The following ATG13 variants were observed in gnomAD, a reference collection of about 807,000 sequenced individuals.
The protein encoded by ATG13 is autophagy-related protein 13.
In ATG13, 23 loss-of-function variants were observed where a neutral mutation model predicts 65.5. The ratio of observed to expected loss-of-function variants is 0.35; its 90% CI spans 0.25 to 0.50. The LOEUF (loss-of-function observed/expected upper bound fraction) is 0.50, where lower values mean the gene tolerates loss of function less well. Ranked by LOEUF, ATG13 falls within the 20% of genes least tolerant of loss-of-function variation. The probability of loss-of-function intolerance (pLI) is 0.98; values close to 1 mark genes in which losing one functional copy is unlikely to be tolerated. For synonymous variants in ATG13, 252 were observed against 245.2 expected (o/e 1.03, Z -0.26); for missense variants, 566 against 677.0 (o/e 0.84, Z 1.82).
At chr11:46,641,182 C>T (rs2055863259) in intron 2 of ATG13, among the ~76,000 whole-genome samples, 1 of 152,146 alleles carries the variant, frequency 6.6e-6, no homozygotes, top group Non-Finnish European at 1.5e-5. Flanking sequence ...AAGCAGTTCT[C>T]TGCCTCAGCC....
In ATG13 at chr11:46,629,414, C is replaced by T. The variant is rs559710834; in HGVS notation, c.-69-631C>T. On this transcript the variant is annotated intron_variant, in intron 1 of 18. Transcript: ENST00000683050. ...TTTTGTTTTTGTTTTTGTTTTTTTC[C>T]GAGACAGAGTCTCAGTCTTGTTGCC... is the stretch of plus-strand genomic sequence containing the variant. 7.9e-5 allele frequency among the ~76,000 whole-genome samples: 12 copies of T among 151,610 alleles called. No homozygotes were observed. In the South Asian group the frequency reaches 8.3e-4, roughly 11 times the overall value.
chr11:46,620,634 G>C (rs1388631988), intron 1 of ATG13, among the ~76,000 whole-genome samples: 1 of 151,728 alleles, frequency 6.6e-6, no homozygotes, highest in African/African-American at 2.4e-5. Flanking sequence ...AAATACCTGG[G>C]CGTGGTGGCG....
At chr11:46,651,097 A>T (rs920972270) in intron 7 of ATG13, among the ~76,000 whole-genome samples, 1 of 152,246 alleles carries the variant, frequency 6.6e-6, no homozygotes, top group Non-Finnish European at 1.5e-5. Context: ...TTTATTGAGC[A>T]CCTTTTTAGT....
Position 46,672,415 on chromosome 11 carries a change from CTCA to C in ATG13, c.*86_*88del. ...TCCCATGCATCAGCTGCTCCCACCCCTCATCCTGCTCTGAGCCAGGTGGAAGGG... is the reference window on the plus strand; with the variant it reads ...TCCCATGCATCAGCTGCTCCCACCCCTCCTGCTCTGAGCCAGGTGGAAGGG... On this transcript the variant is annotated 3_prime_UTR_variant, in exon 19 of 19. Transcript: ENST00000683050. 1 of 1,607,476 alleles carries C rather than the reference CTCA, an allele frequency of 6.2e-7. No homozygotes were observed. The highest frequency in any genetic ancestry group is 2.2e-5 in the East Asian group (1 of 44,802).
At chr11:46,620,180 C>G (rs1010880645) in intron 1 of ATG13, among the ~76,000 whole-genome samples, 6 of 151,144 alleles carry the variant, frequency 4.0e-5, no homozygotes, top group Non-Finnish European at 8.8e-5. Flanking sequence ...AACAACCTCC[C>G]CCTCCTGAGT....
At chr11:46,628,091 A>G (rs557347909) in intron 1 of ATG13, among the ~76,000 whole-genome samples, 73 of 151,730 alleles carry the variant, frequency 4.8e-4, no homozygotes, top group African/African-American at 1.6e-3. Context: ...TCAAAAAAAA[A>G]AAAAAAAAAA....
intron 7 of ATG13, among the ~76,000 whole-genome samples, chr11:46,653,330 C>T (rs769518582): frequency 8.6e-5 from 13 of 151,894 alleles, no homozygotes; most frequent in South Asian, 2.1e-4. Flanking sequence ...TGCACCACCA[C>T]GCCTGGCTAA....
chr11:46,652,914 C>T (rs938202137), intron 7 of ATG13, among the ~76,000 whole-genome samples: 5 of 151,932 alleles, frequency 3.3e-5, no homozygotes, highest in Non-Finnish European at 7.4e-5. Flanking sequence ...TATGGTCAGC[C>T]GACCATCTGC....
At position 46,669,435 on chromosome 11, in the gene ATG13, C is replaced by T. The variant is rs763642397; in HGVS notation, c.1478C>T (p.Pro493Leu). ...GCTTTTTCTAAAGATGACATTCTTCCGATGGACCTGGGGACCTTCTATCGG... is the reference window on the plus strand; with the variant it reads ...GCTTTTTCTAAAGATGACATTCTTCTGATGGACCTGGGGACCTTCTATCGG... ...KPAFSKDDILPMDLGTFYREF... is the reference protein window; with the variant it reads ...KPAFSKDDILLMDLGTFYREF... Residue 493 changes from proline to leucine, a missense_variant, in exon 18 of 19, where the codon CCG (proline) becomes CTG (leucine). Physicochemically the swap from Pro to Leu is moderately conservative, Grantham distance 98. Around this residue, in one of 2 missense-constraint regions of ATG13, gnomAD observed 387 missense variants for 409.8 expected, o/e 0.94. Coordinates refer to ENST00000683050, the MANE Select transcript of ATG13 (RefSeq NM_001346311.2). 6 of 1,613,948 alleles carry T rather than the reference C, an allele frequency of 3.7e-6. No individual in the cohort carries two copies. The highest frequency in any genetic ancestry group is 4.2e-6 in the Non-Finnish European group (5 of 1,179,978).
intron 1 of ATG13, among the ~76,000 whole-genome samples, chr11:46,619,595 G>T (rs1335873770): frequency 6.6e-6 from 1 of 151,490 alleles, no homozygotes; most frequent in Non-Finnish European, 1.5e-5. Context: ...TGTTAGTTAG[G>T]CTGTTTGTTC....
At chr11:46,648,236 C>T (rs1166683490) in intron 5 of ATG13, among the ~76,000 whole-genome samples, 1 of 152,050 alleles carries the variant, frequency 6.6e-6, no homozygotes, top group Non-Finnish European at 1.5e-5. Flanking sequence ...GCTGGGACTA[C>T]AGGCACCCGC....
chr11:46,622,482 A>T (rs1565401019), intron 1 of ATG13, among the ~76,000 whole-genome samples: 2 of 152,208 alleles, frequency 1.3e-5, no homozygotes, highest in Admixed American at 1.3e-4. Flanking sequence ...ATAAACAAGA[A>T]ACTGATTCAC....
intron 1 of ATG13, among the ~76,000 whole-genome samples, chr11:46,624,692 C>T (rs575394069): frequency 6.6e-6 from 1 of 152,110 alleles, no homozygotes; most frequent in East Asian, 1.9e-4. Context: ...CAATTGTTGT[C>T]CAGGCCAAGG....
rs537570143 is a variant in ATG13 at position 46,628,539 on chromosome 11, T to C, written c.-69-1506T>C. ...TTGAGGTTACTGCTTATATATTTTA[T>C]GTAAGTAGAAGTAGGCATTATACAA... On this transcript the variant is annotated intron_variant, in intron 1 of 18. Coordinates refer to ENST00000683050, the MANE Select transcript of ATG13 (RefSeq NM_001346311.2). Among the ~76,000 whole-genome samples, 11 of 152,304 alleles carry C rather than the reference T, an allele frequency of 7.2e-5. No individual in the cohort carries two copies. In the South Asian group the frequency reaches 2.1e-3, roughly 29 times the overall value.
intron 11 of ATG13, among the ~76,000 whole-genome samples, chr11:46,663,536 T>C (rs893162211): frequency 6.6e-6 from 1 of 152,170 alleles, no homozygotes; most frequent in African/African-American, 2.4e-5. Flanking sequence ...GAAACTGTCC[T>C]GCAGATTCTG....
At chr11:46,658,289 G>A (rs1458065794) in intron 10 of ATG13, among the ~76,000 whole-genome samples, 1 of 152,190 alleles carries the variant, frequency 6.6e-6, no homozygotes, top group Non-Finnish European at 1.5e-5. Flanking sequence ...TGATAGACTT[G>A]TGAAATTGAA....
At chr11:46,671,502 C>T (rs2063721137) in intron 18 of ATG13, among the ~76,000 whole-genome samples, 1 of 152,136 alleles carries the variant, frequency 6.6e-6, no homozygotes, top group African/African-American at 2.4e-5. Context: ...CTTTGGGAGG[C>T]CGAGGCGGGT....
chr11:46,643,945 A>G (rs1326179431), intron 2 of ATG13, among the ~76,000 whole-genome samples: 1 of 152,226 alleles, frequency 6.6e-6, no homozygotes, highest in African/African-American at 2.4e-5. Flanking sequence ...ATGTGTGTTC[A>G]GCAAAGTTTA....
intron 7 of ATG13, among the ~76,000 whole-genome samples, chr11:46,655,527 T>C (rs1167562933): frequency 6.6e-6 from 1 of 152,130 alleles, no homozygotes; most frequent in Non-Finnish European, 1.5e-5. Context: ...TGAGCCGAGA[T>C]CATGCCACTG....
Sources: gnomAD v4.1 joint callset for allele counts (sites outside exome capture counted in the v4.1 genomes callset) on GRCh38, gnomAD v4.1.1 for gene constraint, gnomAD v4.1.1 regional missense constraint, MANE v1.5 for transcripts, NCBI Gene and HGNC (gene_info 2026-07-23, HGNC 2026-07-21) for gene names.